The following PRRX1 variants were observed in gnomAD, a reference collection of about 807,000 sequenced individuals.
PRRX1 encodes paired related homeobox 1, also known as paired mesoderm homeobox protein 1.
Under a neutral mutation model 24.0 loss-of-function variants are expected in PRRX1, and 8 were observed. The ratio of observed to expected loss-of-function variants is 0.33; its 90% CI spans 0.20 to 0.60. PRRX1 has a LOEUF of 0.60. Ranked by LOEUF, PRRX1 falls within the 20% of genes least tolerant of loss-of-function variation. The pLI is 0.82. For missense variants in PRRX1, 281 were observed against 322.4 expected (o/e 0.87, Z 0.98); for synonymous variants, 160 against 131.7 (o/e 1.22, Z -1.47).
intron 1 of PRRX1, among the ~76,000 whole-genome samples, chr1:170,669,845 T>C (rs1175544631): frequency 7.2e-5 from 11 of 152,150 alleles, no homozygotes. Context: ...TTTCCCCCCT[T>C]TAGAAGAAGC....
At position 170,736,412 on chromosome 1, in the gene PRRX1, CTG is replaced by C; in HGVS notation, c.*234_*235del. The C allele has an allele frequency of 1.7e-6, 1 of 596,144 alleles. No individual in the cohort carries two copies. Among genetic ancestry groups the C allele is most frequent in the Non-Finnish European group, 2.9e-6 (1 of 342,308 alleles). The allele number at this position is 596,144 out of a possible 1,614,324, so 36.9% of individuals were successfully genotyped here. On this transcript the variant is annotated 3_prime_UTR_variant, in exon 4 of 4. Transcript: ENST00000239461. ...TCTGGGATACCACCACCACTTGTTT[CTG>C]TGTGTGTTTATTTTGTTTTTCTTTC...
rs972378157 is a variant in PRRX1, at chr1:170,700,132, T to A, written c.242-19594T>A. ...TATGGCCTCCTATGGCCATTTTTTTTAAGCAAATGAAACACCATATTCAAT... is the reference window on the plus strand; with the variant it reads ...TATGGCCTCCTATGGCCATTTTTTTAAAGCAAATGAAACACCATATTCAAT... On this transcript the variant is annotated intron_variant, in intron 1 of 3. Transcript: ENST00000239461. 7.2e-5 allele frequency among the ~76,000 whole-genome samples: 11 copies of A among 152,324 alleles called. No homozygotes were observed. In the South Asian group the frequency reaches 1.2e-3, roughly 17 times the overall value.
Position 170,726,321 on chromosome 1 carries a change from T to G in PRRX1, c.519T>G (p.Thr173=), listed in dbSNP as rs1349653336. 6.2e-7 allele frequency: 1 copy of G among 1,614,122 alleles called. No homozygotes were observed. The highest frequency in any genetic ancestry group is 2.2e-5 in the East Asian group (1 of 44,876). ...SLLKSYSGDV[T]AVEQPIVPRP... ...TCAAATCCTACTCAGGAGACGTGAC[T>G]GCTGTGGAGCAGCCCATCGTACCTC... is the stretch of plus-strand genomic sequence containing the variant. Residue 173 remains threonine (T), a synonymous_variant, in exon 3 of 4, where the codon ACT becomes ACG. Transcript: ENST00000239461.
chr1:170,695,162 C>T (rs943976468), intron 1 of PRRX1, among the ~76,000 whole-genome samples: 1 of 152,132 alleles, frequency 6.6e-6, no homozygotes, highest in Non-Finnish European at 1.5e-5. Flanking sequence ...ACCCCATGAA[C>T]TATTAGAGAC....
At chr1:170,671,886 T>G (rs1209809995) in intron 1 of PRRX1, among the ~76,000 whole-genome samples, 1 of 152,136 alleles carries the variant, frequency 6.6e-6, no homozygotes, top group Admixed American at 6.5e-5. Flanking sequence ...TTTCTGCATA[T>G]GTACTTGAGG....
At position 170,730,725 on chromosome 1, in the gene PRRX1, G is replaced by A. The variant is rs113427023; in HGVS notation, c.599+4324G>A. The stretch of plus-strand genomic sequence containing the variant: ...AGCGAGACTTTGTAGGTTACAGGAC[G>A]GGGTTCGGAAGAACTACGTTCTTGT... On this transcript the variant is annotated intron_variant, in intron 3 of 3. Coordinates refer to ENST00000239461, the MANE Select transcript of PRRX1 (RefSeq NM_022716.4). The A allele has an allele frequency of 3.3e-3, 693 of 207,812 alleles. 7 individuals are homozygous for A. Among genetic ancestry groups the A allele is most frequent in the African/African-American group, 0.015 (632 of 42,824 alleles). The allele number at this position is 207,812 out of a possible 1,614,324, so 12.9% of individuals were successfully genotyped here. A position where few individuals can be genotyped will look rare whatever the true frequency, so the allele number is the denominator to read the frequency against.
intron 1 of PRRX1, among the ~76,000 whole-genome samples, chr1:170,706,650 A>C (rs1654579003): frequency 6.6e-6 from 1 of 152,186 alleles, no homozygotes; most frequent in African/African-American, 2.4e-5. Context: ...GAAAGAGTAT[A>C]AAGTTATAAT....
intron 1 of PRRX1, chr1:170,668,687 T>A: frequency 6.6e-6 from 1 of 152,158 alleles, no homozygotes; most frequent in Non-Finnish European, 1.5e-5. Flanking sequence ...GCGGGAACAT[T>A]TTCTAGGGCG....
chr1:170,693,450 G>C (rs1654061423), intron 1 of PRRX1, among the ~76,000 whole-genome samples: 1 of 151,972 alleles, frequency 6.6e-6, no homozygotes, highest in South Asian at 2.1e-4. Flanking sequence ...CAGGAAAGAG[G>C]ATATTTGATA....
At position 170,737,535 on chromosome 1, in the gene PRRX1, T is replaced by C. The variant is rs1015203816; in HGVS notation, c.*1349T>C. ...ATTTAGTCATCTATCCGTTCTTCAC[T>C]TAGCAGGAATATGAAAGAAAGGCAC... On this transcript the variant is annotated 3_prime_UTR_variant, in exon 4 of 4. Coordinates refer to ENST00000239461, the MANE Select transcript of PRRX1 (RefSeq NM_022716.4). 1 of 210,098 alleles carries C rather than the reference T, an allele frequency of 4.8e-6. No homozygotes were observed. The highest frequency in any genetic ancestry group is 2.3e-5 in the African/African-American group (1 of 44,036). The allele number at this position is 210,098 out of a possible 1,614,324, so 13.0% of individuals were successfully genotyped here. A position where few individuals can be genotyped will look rare whatever the true frequency, so the allele number is the denominator to read the frequency against.
chr1:170,715,230 A>G (rs1001996292), intron 1 of PRRX1, among the ~76,000 whole-genome samples: 2 of 152,214 alleles, frequency 1.3e-5, no homozygotes, highest in African/African-American at 4.8e-5. Context: ...ATTGTTAAAA[A>G]GAATTCAGAA....
chr1:170,673,320 C>T (rs1471212025), intron 1 of PRRX1, among the ~76,000 whole-genome samples: 1 of 152,128 alleles, frequency 6.6e-6, no homozygotes, highest in Non-Finnish European at 1.5e-5. Context: ...GTGCTGCTTC[C>T]CTAAATACTG....
chr1:170,669,425 C>CAAATAAAAAAAAAAAAA (rs1653064240), intron 1 of PRRX1: 1 of 22,298 alleles, frequency 4.5e-5, no homozygotes, highest in Admixed American at 7.7e-4. Flanking sequence ...CTCCCCACTG[C>CAAATAAAAAAAAAAAAA]AAAAAAAAAA....
chr1:170,692,402 T>A (rs1026037738), intron 1 of PRRX1, among the ~76,000 whole-genome samples: 3 of 152,116 alleles, frequency 2.0e-5, no homozygotes, highest in African/African-American at 7.2e-5. Context: ...TGTCGGGATA[T>A]CTTTCCTTAA....
chr1:170,708,249 T>A (rs1654628805), intron 1 of PRRX1, among the ~76,000 whole-genome samples: 1 of 152,164 alleles, frequency 6.6e-6, no homozygotes, highest in African/African-American at 2.4e-5. Context: ...TTAGGGCTGT[T>A]CAACAACAGG....
At chr1:170,669,190 C>G (rs1415467978) in intron 1 of PRRX1, 1 of 151,868 alleles carries the variant, frequency 6.6e-6, no homozygotes, top group Non-Finnish European at 1.5e-5. Flanking sequence ...ATACCCACCC[C>G]CATGTTTCAG....
intron 3 of PRRX1, among the ~76,000 whole-genome samples, chr1:170,734,661 GTGCACA>G (rs1359159947): frequency 6.6e-6 from 1 of 150,902 alleles, no homozygotes; most frequent in Non-Finnish European, 1.5e-5. Context: ...ACATGTATGT[GTGCACA>G]CACACACACA....
intron 3 of PRRX1, among the ~76,000 whole-genome samples, chr1:170,729,204 TA>T (rs374738145): frequency 3.9e-5 from 6 of 152,178 alleles, no homozygotes; most frequent in African/African-American, 1.2e-4. Flanking sequence ...TTGAAAGTAG[TA>T]AAAAAAGTAT....
chr1:170,708,977 A>C (rs1654658574), intron 1 of PRRX1, among the ~76,000 whole-genome samples: 2 of 152,184 alleles, frequency 1.3e-5, no homozygotes, highest in Admixed American at 1.3e-4. Flanking sequence ...CACTTTCACC[A>C]AGCAGAGTCT....
Sources: gnomAD v4.1 joint callset for allele counts (sites outside exome capture counted in the v4.1 genomes callset) on GRCh38, gnomAD v4.1.1 for gene constraint, MANE v1.5 for transcripts, NCBI Gene and HGNC (gene_info 2026-07-23, HGNC 2026-07-21) for gene names.